The following B3GALT1 variants were observed in gnomAD, a reference collection of about 807,000 sequenced individuals.
B3GALT1 encodes beta-1,3-galactosyltransferase 1.
In B3GALT1, 10 loss-of-function variants were observed where a neutral mutation model predicts 23.2. The ratio of observed to expected loss-of-function variants is 0.43; its 90% CI spans 0.27 to 0.73. B3GALT1 has a LOEUF of 0.73. Ranked by LOEUF, B3GALT1 falls within the 30% of genes least tolerant of loss-of-function variation. The probability of loss-of-function intolerance (pLI) is 0.21; values close to 1 mark genes in which losing one functional copy is unlikely to be tolerated. For synonymous variants in B3GALT1, 156 were observed against 141.5 expected, an observed-to-expected ratio of 1.10 and a Z score of -0.73; for missense variants, 299 against 405.4, an observed-to-expected ratio of 0.74 and a Z score of 2.25.
chr2:167,586,031 C>G (rs1666097561), intron 2 of B3GALT1, among the ~76,000 whole-genome samples: 2 of 152,188 alleles, frequency 1.3e-5, no homozygotes, highest in Admixed American at 1.3e-4. Context: ...AGTCAAGTGT[C>G]TAGGTAAAGC....
intron 2 of B3GALT1, among the ~76,000 whole-genome samples, chr2:167,536,063 T>C (rs934940058): frequency 1.3e-5 from 2 of 152,084 alleles, no homozygotes; most frequent in Non-Finnish European, 2.9e-5. Context: ...AGCTCCACCA[T>C]GCCCAGCTAA....
chr2:167,872,013 T>G lies in B3GALT1; in HGVS notation c.*1993T>G, dbSNP rs1223298841. 1 of 143,760 alleles carries G rather than the reference T, an allele frequency of 7.0e-6. No individual in the cohort carries two copies. The highest frequency in any genetic ancestry group is 2.6e-5 in the African/African-American group (1 of 39,178). 8.9% of individuals were successfully genotyped at this position (143,760 alleles called of 1,614,324 possible). On this transcript the variant is annotated 3_prime_UTR_variant, in exon 5 of 5. Coordinates refer to ENST00000392690, the MANE Select transcript of B3GALT1 (RefSeq NM_020981.4). ...GCCTCCCGGGTTCACGCCATTCTCC[T>G]GCCTCAGCCTCCCGAGTAGCTGGGA... is the stretch of plus-strand genomic sequence containing the variant.
intron 2 of B3GALT1, among the ~76,000 whole-genome samples, chr2:167,504,939 T>C (rs1398497730): frequency 6.6e-6 from 1 of 152,204 alleles, no homozygotes; most frequent in African/African-American, 2.4e-5. Flanking sequence ...TTTCTCAGAA[T>C]GTGTCTCCAT....
chr2:167,559,840 C>T (rs189216890), intron 2 of B3GALT1, among the ~76,000 whole-genome samples: 1 of 152,128 alleles, frequency 6.6e-6, no homozygotes, highest in Non-Finnish European at 1.5e-5. Context: ...TGGTGTACCT[C>T]AAAGTGACGG....
rs575045805 is a variant in B3GALT1 at position 167,866,958 on chromosome 2, A to G, written c.-229-1853A>G. On this transcript the variant is annotated intron_variant, in intron 4 of 4. Transcript: ENST00000392690. ...CTCTTTTTTTTTGAGACGGAGTCTC[A>G]CTTTGTCGCCCAGGCTGGAGTGCAG... Among the ~76,000 whole-genome samples, 194 of 151,664 alleles carry G rather than the reference A, an allele frequency of 1.3e-3. 1 individual carries two copies. Among genetic ancestry groups the G allele is most frequent in the Non-Finnish European group, 1.6e-3 (112 of 67,900 alleles).
intron 1 of B3GALT1, among the ~76,000 whole-genome samples, chr2:167,444,166 C>T (rs576466455): frequency 5.1e-4 from 77 of 152,274 alleles, no homozygotes; most frequent in African/African-American, 1.2e-3. Flanking sequence ...TGATGAATTA[C>T]GTTTATTGAT....
chr2:167,552,824 T>A (rs73026045), intron 2 of B3GALT1, among the ~76,000 whole-genome samples: 13,744 of 152,222 alleles, frequency 0.09, 1,156 homozygotes, highest in African/African-American at 0.22. Flanking sequence ...TTAAAATGGC[T>A]TGGTTTCCAA....
chr2:167,569,094 T>G (rs893604694), intron 2 of B3GALT1, among the ~76,000 whole-genome samples: 1 of 152,094 alleles, frequency 6.6e-6, no homozygotes. Context: ...GTCTTTGCTT[T>G]TACTAATACC....
In B3GALT1 at chr2:167,542,649, T is replaced by G. The variant is rs140686798; in HGVS notation, c.-410+52372T>G. Among the ~76,000 whole-genome samples the G allele has an allele frequency of 9.8e-5, 15 of 152,300 alleles. No homozygotes were observed. In the East Asian group the frequency reaches 2.5e-3, roughly 25 times the overall value. On this transcript the variant is annotated intron_variant, in intron 2 of 4. Transcript: ENST00000392690. ...ATAAAAGGTACTTTATTCTCAAAAA[T>G]TTTTGAGAATCAAGTCAGATGTTGA...
rs112136848 is a variant in B3GALT1, at chr2:167,866,950, G to A, written c.-229-1861G>A. ...TTGAGAAGCTCTTTTTTTTTGAGACGGAGTCTCACTTTGTCGCCCAGGCTG... is the reference window on the plus strand; with the variant it reads ...TTGAGAAGCTCTTTTTTTTTGAGACAGAGTCTCACTTTGTCGCCCAGGCTG... On this transcript the variant is annotated intron_variant, in intron 4 of 4. Transcript: ENST00000392690. Among the ~76,000 whole-genome samples, 715 of 145,004 alleles carry A rather than the reference G, an allele frequency of 4.9e-3. 2 individuals carry two copies. The highest frequency in any genetic ancestry group is 0.017 in the African/African-American group (680 of 40,594).
chr2:167,671,842 A>G (rs1321388663), intron 3 of B3GALT1, among the ~76,000 whole-genome samples: 2 of 152,150 alleles, frequency 1.3e-5, no homozygotes, highest in East Asian at 1.9e-4. Context: ...TGACAAAACT[A>G]AAAGTTGGTT....
intron 3 of B3GALT1, among the ~76,000 whole-genome samples, chr2:167,654,144 C>T (rs747778505): frequency 6.6e-6 from 1 of 152,072 alleles, no homozygotes; most frequent in Non-Finnish European, 1.5e-5. Flanking sequence ...ACTTTTTGTG[C>T]CTCTGTTTTC....
intron 2 of B3GALT1, among the ~76,000 whole-genome samples, chr2:167,520,003 CCACTG>C (rs1401948774): frequency 2.2e-4 from 34 of 151,390 alleles, no homozygotes; most frequent in African/African-American, 7.8e-4. Flanking sequence ...CAAGATTGTG[CCACTG>C]CACTGCAGCC....
chr2:167,392,899 C>T (rs1454784150), intron 1 of B3GALT1, among the ~76,000 whole-genome samples: 3 of 152,234 alleles, frequency 2.0e-5, no homozygotes, highest in East Asian at 3.9e-4. Flanking sequence ...AGAACGAACA[C>T]TTGTGAAAAA....
chr2:167,550,657 C>T (rs1683728748), intron 2 of B3GALT1, among the ~76,000 whole-genome samples: 1 of 152,144 alleles, frequency 6.6e-6, no homozygotes, highest in South Asian at 2.1e-4. Flanking sequence ...TCACTAGAGC[C>T]TAGCAAATGG....
intron 3 of B3GALT1, among the ~76,000 whole-genome samples, chr2:167,656,733 T>C (rs746739851): frequency 3.9e-5 from 6 of 152,198 alleles, no homozygotes; most frequent in Non-Finnish European, 8.8e-5. Flanking sequence ...AAAGGAAAAC[T>C]GATTATAGTG....
chr2:167,321,428 A>G (rs780534039), intron 1 of B3GALT1, among the ~76,000 whole-genome samples: 1 of 151,986 alleles, frequency 6.6e-6, no homozygotes, highest in East Asian at 1.9e-4. Flanking sequence ...TGTTTTTTCC[A>G]TTGTACCACC....
chr2:167,316,139 G>C (rs185326333), intron 1 of B3GALT1, among the ~76,000 whole-genome samples: 40 of 152,140 alleles, frequency 2.6e-4, no homozygotes, highest in Non-Finnish European at 2.6e-4. Context: ...GGAGAACTAG[G>C]GTATTTGGTG....
chr2:167,315,092 C>A (rs1696691606), intron 1 of B3GALT1, among the ~76,000 whole-genome samples: 1 of 152,072 alleles, frequency 6.6e-6, no homozygotes, highest in African/African-American at 2.4e-5. Context: ...TTCACTGATT[C>A]TTACAACCTA....
Sources: allele counts gnomAD v4.1 joint callset (sites outside exome capture counted in the v4.1 genomes callset), GRCh38; gene constraint gnomAD v4.1.1; transcripts MANE v1.5; gene names NCBI Gene and HGNC (gene_info 2026-07-23, HGNC 2026-07-21).